The following KAZN variants were observed in gnomAD, a reference collection of about 807,000 sequenced individuals.
The protein encoded by KAZN is kazrin, periplakin interacting protein.
A neutral mutation model predicts 87.4 loss-of-function variants in KAZN; 40 were observed. The ratio of observed to expected loss-of-function variants is 0.46; its 90% confidence interval spans 0.36 to 0.60. KAZN has a LOEUF of 0.60. Among genes scored for constraint, KAZN ranks in the 20% least tolerant of loss-of-function variants. KAZN has a pLI of 0.00. For synonymous variants in KAZN, 466 were observed against 458.3 expected, an observed-to-expected ratio of 1.02 and a Z score of -0.22; for missense variants, 898 against 1,073.9, an observed-to-expected ratio of 0.84 and a Z score of 2.29.
At chr1:14,257,942 ATAAAAAAAAAAAACAT>A (rs1650656972) in intron 2 of KAZN, among the ~76,000 whole-genome samples, 2 of 108,316 alleles carry the variant, frequency 1.8e-5, no homozygotes, top group South Asian at 3.3e-4. Flanking sequence ...TTAGAGTATA[ATAAAAAAAAAAAACAT>A]TAAAAAAAAA....
chr1:14,861,001 G>A (rs745327106), intron 1 of KAZN, among the ~76,000 whole-genome samples: 9 of 152,162 alleles, frequency 5.9e-5, no homozygotes, highest in Non-Finnish European at 1.3e-4. Context: ...TGTGAAGGAA[G>A]GGAAAGAGAG....
chr1:14,596,370 G>T (rs1193921900), upstream of KAZN, among the ~76,000 whole-genome samples: 1 of 151,928 alleles, frequency 6.6e-6, no homozygotes, highest in Non-Finnish European at 1.5e-5. Flanking sequence ...TTAACTGTTT[G>T]CTCAGAAGCC....
chr1:14,762,487 AGGCCGAG>A (rs1644766478), intron 1 of KAZN, among the ~76,000 whole-genome samples: 1 of 53,672 alleles, frequency 1.9e-5, no homozygotes, highest in Non-Finnish European at 5.4e-5. Flanking sequence ...GCACTTTGGG[AGGCCGAG>A]GTGGGAGGAT....
chr1:14,180,610 G>A (rs1248447655), intron 2 of KAZN: 1 of 1,535,778 alleles, frequency 6.5e-7, no homozygotes, highest in East Asian at 2.5e-5. Flanking sequence ...GATCAATACA[G>A]AAATTCTCTA....
chr1:14,584,802 G>A (rs1675756817), intron 2 of KAZN, among the ~76,000 whole-genome samples: 1 of 151,934 alleles, frequency 6.6e-6, no homozygotes. Context: ...GCACCACCAC[G>A]CCTGGCTAAT....
intron 1 of KAZN, among the ~76,000 whole-genome samples, chr1:14,036,480 A>G (rs1184596112): frequency 6.6e-6 from 1 of 150,616 alleles, no homozygotes; most frequent in Non-Finnish European, 1.5e-5. Context: ...CTTTTTGAGA[A>G]AATTATAAAT....
At chr1:13,970,114 A>G (rs867061030) in intron 1 of KAZN, among the ~76,000 whole-genome samples, 2 of 152,228 alleles carry the variant, frequency 1.3e-5, no homozygotes, top group Admixed American at 6.5e-5. Flanking sequence ...GATTCCAGGA[A>G]TATCTAATCT....
At chr1:14,959,466 G>T (rs1338745809) in intron 1 of KAZN, among the ~76,000 whole-genome samples, 1 of 152,158 alleles carries the variant, frequency 6.6e-6, no homozygotes, top group East Asian at 1.9e-4. Flanking sequence ...CCCCAGCCAG[G>T]GCTGCCCTTG....
chr1:14,731,577 G>A (rs535096991), intron 1 of KAZN, among the ~76,000 whole-genome samples: 214 of 152,278 alleles, frequency 1.4e-3, no homozygotes, highest in Non-Finnish European at 2.5e-3. Flanking sequence ...TTGTCACTAT[G>A]CAAAACAGCT....
At chr1:14,146,624 G>C (rs145501840) in intron 1 of KAZN, among the ~76,000 whole-genome samples, 46 of 145,828 alleles carry the variant, frequency 3.2e-4, no homozygotes, top group African/African-American at 1.1e-3. Flanking sequence ...GGTGCAAAAA[G>C]ACCTTTATTT....
At chr1:14,107,046 TCTTCCTTCCTTCCTTC>T (rs376917946) in intron 1 of KAZN, among the ~76,000 whole-genome samples, 1 of 115,456 alleles carries the variant, frequency 8.7e-6, no homozygotes, top group Non-Finnish European at 1.8e-5. Flanking sequence ...TCCCTTCCTT[TCTTCCTTCCTTCCTTC>T]CTTCCTTCAT....
At chr1:14,159,306 G>T (rs934076823) in intron 1 of KAZN, among the ~76,000 whole-genome samples, 11 of 152,086 alleles carry the variant, frequency 7.2e-5, no homozygotes, top group Non-Finnish European at 1.6e-4. Context: ...AGCTGATCTG[G>T]CACTTGAACC....
At chr1:14,957,618 T>C (rs1663291397) in intron 1 of KAZN, among the ~76,000 whole-genome samples, 1 of 152,286 alleles carries the variant, frequency 6.6e-6, no homozygotes, top group African/African-American at 2.4e-5. Flanking sequence ...CGGAGCCGTT[T>C]TAGGTCTCTT....
chr1:13,939,905 G>C (rs12033179), intron 1 of KAZN, among the ~76,000 whole-genome samples: 1 of 151,966 alleles, frequency 6.6e-6, no homozygotes, highest in African/African-American at 2.4e-5. Context: ...AAACAACCAG[G>C]TATCATGAGA....
chr1:14,086,178 T>C (rs1334641024), intron 1 of KAZN, among the ~76,000 whole-genome samples: 1 of 144,620 alleles, frequency 6.9e-6, no homozygotes, highest in Non-Finnish European at 1.5e-5. Context: ...ATCTTGCAAA[T>C]ATTTTATTTT....
intron 2 of KAZN, among the ~76,000 whole-genome samples, chr1:14,474,004 T>C (rs1252211676): frequency 1.3e-5 from 2 of 152,220 alleles, no homozygotes; most frequent in Non-Finnish European, 2.9e-5. Context: ...TTTATAGAAA[T>C]TGCTACTCTA....
intron 1 of KAZN, among the ~76,000 whole-genome samples, chr1:14,163,430 G>C (rs1174736375): frequency 6.6e-6 from 1 of 152,094 alleles, no homozygotes; most frequent in Non-Finnish European, 1.5e-5. Flanking sequence ...CACTTGGGAG[G>C]GGCTGTATGT....
intron 1 of KAZN, among the ~76,000 whole-genome samples, chr1:14,815,343 A>G (rs950379515): frequency 2.0e-5 from 3 of 151,848 alleles, no homozygotes; most frequent in African/African-American, 7.3e-5. Context: ...CAGTCCTCTG[A>G]CCCCCCTAAG....
At chr1:14,218,228 G>A in intron 2 of KAZN, among the ~76,000 whole-genome samples, 1 of 152,102 alleles carries the variant, frequency 6.6e-6, no homozygotes, top group Middle Eastern at 3.2e-3. Context: ...ATGGAAGAAA[G>A]TAAATATAAA....
Sources: allele counts gnomAD v4.1 joint callset (sites outside exome capture counted in the v4.1 genomes callset), GRCh38; gene constraint gnomAD v4.1.1; transcripts MANE v1.5; gene names NCBI Gene and HGNC (gene_info 2026-07-23, HGNC 2026-07-21).